Variants in SLC7A2 observed in about 807,000 individuals in gnomAD.
SLC7A2 encodes the protein solute carrier family 7 member 2.
Under a neutral mutation model 58.9 loss-of-function variants are expected in SLC7A2, and 48 were observed. That is an observed-to-expected ratio of 0.82 (90% confidence interval 0.65 to 1.04). SLC7A2 has a LOEUF of 1.04. Among genes scored for constraint, SLC7A2 ranks in the 50% least tolerant of loss-of-function variants. The pLI, the probability that SLC7A2 is intolerant of heterozygous loss-of-function variation, is 0.00. For synonymous variants in SLC7A2, 363 were observed against 314.5 expected (o/e 1.15, Z -1.63); for missense variants, 1,029 against 818.8 (o/e 1.26, Z -3.13).
rs568764967 is a variant in SLC7A2, at chr8:17,515,299, CT to C, written c.-23+13012del. The stretch of plus-strand genomic sequence containing the variant: ...TTGCCTTTGATTGCCACATCTTTTT[CT>C]TTTTTTTTTTTTTTAAGATGGAGTC... On this transcript the variant is annotated intron_variant, in intron 2 of 12. Coordinates refer to ENST00000494857, the MANE Select transcript of SLC7A2 (RefSeq NM_001370338.1). Among the ~76,000 whole-genome samples, 368 of 137,972 alleles carry C rather than the reference CT, an allele frequency of 2.7e-3. 1 individual carries two copies. Among genetic ancestry groups the C allele is most frequent in the Middle Eastern group, 3.8e-3 (1 of 260 alleles). The allele number at this position is 137,972 out of a possible 152,430, so 90.5% of individuals were successfully genotyped here. A position where few individuals can be genotyped will look rare whatever the true frequency, so the allele number is the denominator to read the frequency against.
At chr8:17,533,824 G>C (rs74809253) in intron 2 of SLC7A2, among the ~76,000 whole-genome samples, 5,747 of 152,134 alleles carry the variant, frequency 0.038, 225 homozygotes, top group East Asian at 0.096. Flanking sequence ...AGGTAAACTC[G>C]TGCCATGGTG....
At chr8:17,538,928 A>C (rs781219414) in intron 2 of SLC7A2, 2 of 1,610,668 alleles carry the variant, frequency 1.2e-6, no homozygotes, top group Non-Finnish European at 8.5e-7. Flanking sequence ...CTCCTGTAAG[A>C]TTTATTGTCA....
rs761268297 is a variant in SLC7A2, at chr8:17,543,325, T to C, written c.-15T>C. On this transcript the variant is annotated 5_prime_UTR_variant, in exon 3 of 13. Coordinates refer to ENST00000494857, the MANE Select transcript of SLC7A2 (RefSeq NM_001370338.1). ...CTCCTCCCTTCTGCTCAGGTCGCCT[T>C]CGTCAGACGTCAGAATGATTCCTTG... The C allele has an allele frequency of 6.2e-7, 1 of 1,602,040 alleles. No homozygotes were observed. Among genetic ancestry groups the C allele is most frequent in the Admixed American group, 1.7e-5 (1 of 58,176 alleles).
chr8:17,561,529 G>A (rs913091063), intron 10 of SLC7A2, among the ~76,000 whole-genome samples: 3 of 152,022 alleles, frequency 2.0e-5, no homozygotes, highest in Non-Finnish European at 4.4e-5. Flanking sequence ...GATTTGGGTG[G>A]GGACACAGCC....
At chr8:17,547,787 T>TGTGTGTGTGTGTGTGTGC in intron 4 of SLC7A2, among the ~76,000 whole-genome samples, 1 of 73,664 alleles carries the variant, frequency 1.4e-5, no homozygotes, top group East Asian at 1.2e-3. Context: ...CACAAAAGAG[T>TGTGTGTGTGTGTGTGTGC]GTGTGTGTGT....
chr8:17,557,757 G>T (rs772942615), intron 8 of SLC7A2, among the ~76,000 whole-genome samples: 1 of 152,052 alleles, frequency 6.6e-6, no homozygotes, highest in African/African-American at 2.4e-5. Flanking sequence ...GGACCAGGGG[G>T]GTGGAGATTG....
At chr8:17,555,099 T>C in intron 8 of SLC7A2, 3 of 1,612,584 alleles carry the variant, frequency 1.9e-6, no homozygotes, top group Middle Eastern at 3.3e-4. Flanking sequence ...TTTACAAACT[T>C]AGGTTTCTTG....
chr8:17,556,653 G>T (rs948981219), intron 8 of SLC7A2, among the ~76,000 whole-genome samples: 15 of 151,840 alleles, frequency 9.9e-5, no homozygotes, highest in African/African-American at 3.4e-4. Context: ...CTGTCACCCA[G>T]GCTGGAGTGT....
At chr8:17,555,119 C>T (rs751262792) in intron 8 of SLC7A2, 1 of 1,603,972 alleles carries the variant, frequency 6.2e-7, no homozygotes, top group Non-Finnish European at 8.5e-7. Flanking sequence ...GAGCATTAGA[C>T]TGGAACATTT....
chr8:17,560,460 G>C lies in SLC7A2; in HGVS notation c.1431G>C (p.Arg477=). Residue 477 remains arginine, a synonymous_variant, in exon 10 of 13, where the codon CGG becomes CGC. Transcript: ENST00000494857. ...TMLQRQGFSM[R]TLFCPSLLPT... ...TGCAGAGACAGGGCTTCAGCATGCG[G>C]ACCCTCTTCTGCCCCTCCCTTCTGC... 1 of 1,614,050 alleles carries C rather than the reference G, an allele frequency of 6.2e-7. No homozygotes were observed. Among genetic ancestry groups the C allele is most frequent in the Non-Finnish European group, 8.5e-7 (1 of 1,179,952 alleles).
chr8:17,529,775 A>T (rs949216299), intron 2 of SLC7A2, among the ~76,000 whole-genome samples: 2 of 151,926 alleles, frequency 1.3e-5, no homozygotes, highest in Non-Finnish European at 1.5e-5. Context: ...GGCCTCAAGT[A>T]ATCCGCCCAC....
intron 2 of SLC7A2, among the ~76,000 whole-genome samples, chr8:17,510,195 G>C (rs1264597832): frequency 6.6e-6 from 1 of 151,750 alleles, no homozygotes; most frequent in African/African-American, 2.4e-5. Context: ...ACTCCAGCCT[G>C]GGTGACAGAG....
intron 2 of SLC7A2, among the ~76,000 whole-genome samples, chr8:17,525,610 T>C (rs2720488): frequency 0.52 from 78,820 of 151,966 alleles, 20,932 homozygotes; most frequent in Middle Eastern, 0.6. Context: ...GGGTTTTAAT[T>C]TGACAATGAA....
intron 2 of SLC7A2, among the ~76,000 whole-genome samples, chr8:17,518,695 T>G (rs1248266198): frequency 6.6e-6 from 1 of 152,236 alleles, no homozygotes; most frequent in Non-Finnish European, 1.5e-5. Context: ...ACATTGCTTC[T>G]GAAATGCTAA....
chr8:17,566,519 T>C lies in SLC7A2; in HGVS notation c.*1373T>C, dbSNP rs764253201. 1.6e-4 allele frequency: 24 copies of C among 152,192 alleles called. No homozygotes were observed. Among genetic ancestry groups the C allele is most frequent in the Non-Finnish European group, 3.1e-4 (21 of 68,050 alleles). The allele number at this position is 152,192 out of a possible 1,614,324, so 9.4% of individuals were successfully genotyped here. On this transcript the variant is annotated 3_prime_UTR_variant, in exon 13 of 13. Coordinates refer to ENST00000494857, the MANE Select transcript of SLC7A2 (RefSeq NM_001370338.1). ...TTTCAAATGACTACACTAAGCCTAA[T>C]AATACAAGCTCCAGTGTTATACAAT...
chr8:17,549,185 C>T (rs543965409), intron 5 of SLC7A2, among the ~76,000 whole-genome samples: 215 of 152,334 alleles, frequency 1.4e-3, no homozygotes, highest in Non-Finnish European at 2.3e-3. Context: ...CCCACTGGGT[C>T]CCTGCCACAA....
intron 1 of SLC7A2, chr8:17,498,750 G>A (rs1231591921): frequency 6.6e-6 from 1 of 152,182 alleles, no homozygotes; most frequent in Non-Finnish European, 1.5e-5. Flanking sequence ...TGGTATCTGC[G>A]GGGATCAGTT....
upstream of SLC7A2, among the ~76,000 whole-genome samples, chr8:17,495,705 G>A (rs563065426): frequency 1.4e-4 from 21 of 152,148 alleles, 1 homozygote; most frequent in East Asian, 3.1e-3. Context: ...GCCCGCCGCC[G>A]CGCCCGGCTA....
At chr8:17,559,976 C>T (rs978447145) in intron 9 of SLC7A2, among the ~76,000 whole-genome samples, 5 of 152,116 alleles carry the variant, frequency 3.3e-5, no homozygotes, top group African/African-American at 9.7e-5. Context: ...TGAAATTTAC[C>T]CAGAGCTTCT....
Sources: gnomAD v4.1 joint callset for allele counts (sites outside exome capture counted in the v4.1 genomes callset) on GRCh38, gnomAD v4.1.1 for gene constraint, MANE v1.5 for transcripts, NCBI Gene and HGNC (gene_info 2026-07-23, HGNC 2026-07-21) for gene names.